Variants in WDR33 observed in about 807,000 individuals in gnomAD.
The protein encoded by WDR33 is pre-mRNA 3' end processing protein WDR33.
In WDR33, 47 loss-of-function variants were observed where a neutral mutation model predicts 164.9. That is an observed-to-expected ratio of 0.29 (90% CI 0.23 to 0.36). WDR33 has a LOEUF of 0.36. Among genes scored for constraint, WDR33 ranks in the 10% least tolerant of loss-of-function variants. The pLI is 1.00. For synonymous variants in WDR33, 505 were observed against 589.0 expected (o/e 0.86, Z 2.06); for missense variants, 1,137 against 1,754.1 (o/e 0.65, Z 6.28).
At position 127,720,233 on chromosome 2, in the gene WDR33, G is replaced by A. The variant is rs768257114; in HGVS notation, c.1792C>T (p.Pro598Ser). The A allele has an allele frequency of 1.9e-6, 3 of 1,594,396 alleles. No homozygotes were observed. Among genetic ancestry groups the A allele is most frequent in the Admixed American group, 3.5e-5 (2 of 57,346 alleles). ...FPGQGPMSQIPQGFQQPHPSQ... is the reference protein window; with the variant it reads ...FPGQGPMSQISQGFQQPHPSQ... ...GGATGGGGCTGTTGAAAACCTTGAG[G>A]AATCTGAGACATTGGACCTTGTCCT... The change falls in exon 16 of 22, where the codon CCT (proline) becomes TCT (serine). Residue 598 changes from proline to serine, a missense_variant. Transcript: ENST00000322313. The surrounding 1 kb of genome is among the most constrained non-coding windows in gnomAD (Gnocchi z 5.9).
At chr2:127,804,739 AAC>A (rs1689371625) in intron 1 of WDR33, among the ~76,000 whole-genome samples, 1 of 152,224 alleles carries the variant, frequency 6.6e-6, no homozygotes, top group Admixed American at 6.5e-5. Flanking sequence ...TATTACAGAA[AAC>A]AGTTAATGAA....
rs1471237369 is a variant in WDR33, at chr2:127,750,690, ATATATATATATATATATATATATG to A, written c.724+12348_724+12371del. ...AAAAAAAAAAAAAATATATATATAT[ATATATATATATATATATATATATG>A]TATGTATGCATACATATATATGTAT... On this transcript the variant is annotated intron_variant, in intron 7 of 21. Transcript: ENST00000322313. Among the ~76,000 whole-genome samples the A allele has an allele frequency of 9.7e-4, 54 of 55,724 alleles. 1 individual carries two copies. Among genetic ancestry groups the A allele is most frequent in the African/African-American group, 2.7e-3 (27 of 9,914 alleles). The allele number at this position is 55,724 out of a possible 152,430, so 36.6% of individuals were successfully genotyped here.
chr2:127,760,224 C>T (rs1687637959), intron 7 of WDR33, among the ~76,000 whole-genome samples: 1 of 152,172 alleles, frequency 6.6e-6, no homozygotes. Context: ...AAGAGTTTGA[C>T]TGTATGATCA....
At position 127,720,588 on chromosome 2, in the gene WDR33, AT is replaced by A. The variant is rs202205365; in HGVS notation, c.1672-236del. On this transcript the variant is annotated intron_variant, in intron 15 of 21. Coordinates refer to ENST00000322313, the MANE Select transcript of WDR33 (RefSeq NM_018383.5). This position sits in a 1 kb window ranked among gnomAD's most constrained non-coding sequence, Gnocchi z 5.9. ...CAGTAGTAAGGATTTTTTTTTCCTT[AT>A]TTTTTTTTTCTGTCCCCCAAGCTGG... Among the ~76,000 whole-genome samples the A allele has an allele frequency of 1.6e-4, 24 of 147,200 alleles. No homozygotes were observed. Among genetic ancestry groups the A allele is most frequent in the African/African-American group, 3.0e-4 (12 of 40,008 alleles).
chr2:127,802,735 T>C (rs1208406619), intron 1 of WDR33, among the ~76,000 whole-genome samples: 3 of 152,134 alleles, frequency 2.0e-5, no homozygotes, highest in African/African-American at 2.4e-5. Context: ...TCCTAGTATT[T>C]TGGGAGGCTG....
chr2:127,701,649 G>A lies in WDR33; in HGVS notation c.*4674C>T, dbSNP rs1241657650. The A allele has an allele frequency of 7.7e-7, 1 of 1,301,342 alleles. No individual in the cohort carries two copies. Among genetic ancestry groups the A allele is most frequent in the Non-Finnish European group, 9.7e-7 (1 of 1,029,252 alleles). The allele number at this position is 1,301,342 out of a possible 1,614,324, so 80.6% of individuals were successfully genotyped here. A position where few individuals can be genotyped will look rare whatever the true frequency, so the allele number is the denominator to read the frequency against. The stretch of plus-strand genomic sequence containing the variant: ...GGAGGAGCCCGGGGACCGGCCGGCG[G>A]AGGAGTGGCTGGGCCGCGCGGGCTT... On this transcript the variant is annotated 3_prime_UTR_variant, in exon 22 of 22. Transcript: ENST00000322313.
rs922784988 is a variant in WDR33 at position 127,723,548 on chromosome 2, G to A, written c.1197-201C>T. Among the ~76,000 whole-genome samples, 3 of 150,852 alleles carry A rather than the reference G, an allele frequency of 2.0e-5. No homozygotes were observed. Among genetic ancestry groups the A allele is most frequent in the Non-Finnish European group, 4.4e-5 (3 of 67,726 alleles). ...GGCTGTGGCAGGAGGATTAAGTCCA[G>A]GAGTCCAAGACCAGCCTGGGCAACA... On this transcript the variant is annotated intron_variant, in intron 11 of 21. Coordinates refer to ENST00000322313, the MANE Select transcript of WDR33 (RefSeq NM_018383.5). The surrounding 1 kb of genome is among the most constrained non-coding windows in gnomAD (Gnocchi z 5.9).
chr2:127,784,325 AAAAC>A (rs1483141846), intron 1 of WDR33, among the ~76,000 whole-genome samples: 1 of 152,216 alleles, frequency 6.6e-6, no homozygotes, highest in Non-Finnish European at 1.5e-5. Context: ...CTCTTTCCCA[AAAAC>A]AAGCACTAAT....
chr2:127,765,312 C>T, intron 4 of WDR33, 43 bp from the exon 5 acceptor site: 10 of 1,443,320 alleles, frequency 6.9e-6, no homozygotes, highest in Non-Finnish European at 9.6e-6. Context: ...TCCAACTTCA[C>T]TAATTTTGAA....
rs1294357860 is a variant in WDR33 at position 127,720,627 on chromosome 2, C to T, written c.1672-274G>A. Reference sequence around the variant, plus strand: ...TCCCCCAAGCTGGAATGCAGTGGTACGATCGTGGTTCACTACAGCCTCACC... The same window carrying T: ...TCCCCCAAGCTGGAATGCAGTGGTATGATCGTGGTTCACTACAGCCTCACC... On this transcript the variant is annotated intron_variant, in intron 15 of 21. Coordinates refer to ENST00000322313, the MANE Select transcript of WDR33 (RefSeq NM_018383.5). This position sits in a 1 kb window ranked among gnomAD's most constrained non-coding sequence, Gnocchi z 5.9. 6.6e-5 allele frequency among the ~76,000 whole-genome samples: 10 copies of T among 151,826 alleles called. No homozygotes were observed. Among genetic ancestry groups the T allele is most frequent in the South Asian group, 2.1e-4 (1 of 4,816 alleles).
Position 127,701,622 on chromosome 2 carries a change from G to A in WDR33, c.*4701C>T, listed in dbSNP as rs1041330909. ...GGAGCCGCTGCTCGCCGCGGAGAAGGCGGAGGAGCCCGGGGACCGGCCGGC... is the reference window on the plus strand; with the variant it reads ...GGAGCCGCTGCTCGCCGCGGAGAAGACGGAGGAGCCCGGGGACCGGCCGGC... On this transcript the variant is annotated 3_prime_UTR_variant, in exon 22 of 22. Coordinates refer to ENST00000322313, the MANE Select transcript of WDR33 (RefSeq NM_018383.5). 4 of 1,334,240 alleles carry A rather than the reference G, an allele frequency of 3.0e-6. No homozygotes were observed. The highest frequency in any genetic ancestry group is 3.8e-6 in the Non-Finnish European group (4 of 1,044,804). 82.7% of individuals were successfully genotyped at this position (1,334,240 alleles called of 1,614,324 possible).
At chr2:127,747,510 C>G (rs929146231) in intron 7 of WDR33, among the ~76,000 whole-genome samples, 1 of 151,898 alleles carries the variant, frequency 6.6e-6, no homozygotes, top group African/African-American at 2.4e-5. Context: ...CCCATGAGCA[C>G]TCAACGTTAG....
Position 127,770,751 on chromosome 2 carries a change from C to A in WDR33, c.204+27G>T. On this transcript the variant is annotated intron_variant, in intron 2 of 21. Transcript: ENST00000322313. This position sits in a 1 kb window ranked among gnomAD's most constrained non-coding sequence, Gnocchi z 4.9. ...AATAAATAAATAACCAAAGTTTGGTCATCTGAAGCACATAAATCAGGCTTA... is the reference window on the plus strand; with the variant it reads ...AATAAATAAATAACCAAAGTTTGGTAATCTGAAGCACATAAATCAGGCTTA... 6.9e-7 allele frequency: 1 copy of A among 1,439,868 alleles called. No homozygotes were observed. The highest frequency in any genetic ancestry group is 1.4e-5 in the South Asian group (1 of 69,614). The allele number at this position is 1,439,868 out of a possible 1,614,324, so 89.2% of individuals were successfully genotyped here. A position where few individuals can be genotyped will look rare whatever the true frequency, so the allele number is the denominator to read the frequency against.
chr2:127,809,250 A>G (rs1453639587), intron 1 of WDR33, among the ~76,000 whole-genome samples: 1 of 152,038 alleles, frequency 6.6e-6, no homozygotes, highest in Non-Finnish European at 1.5e-5. Flanking sequence ...GCTCTGAATA[A>G]ATACCTTAAG....
intron 4 of WDR33, among the ~76,000 whole-genome samples, chr2:127,765,640 C>T (rs955835688): frequency 3.3e-5 from 5 of 152,012 alleles, no homozygotes; most frequent in African/African-American, 1.2e-4. Context: ...ACCAGAACAA[C>T]TCAAAGACTG....
chr2:127,713,248 T>C lies in WDR33; in HGVS notation c.3308+335A>G, dbSNP rs990527577. On this transcript the variant is annotated intron_variant, in intron 18 of 21. Transcript: ENST00000322313. This position sits in a 1 kb window ranked among gnomAD's most constrained non-coding sequence, Gnocchi z 6.2. Reference sequence around the variant, plus strand: ...TTTATTTCCAATCTAGGTAGCTGCCTCATATTTCCTTATTCTAATCAAGAA... The same window carrying C: ...TTTATTTCCAATCTAGGTAGCTGCCCCATATTTCCTTATTCTAATCAAGAA... Among the ~76,000 whole-genome samples the C allele has an allele frequency of 1.3e-5, 2 of 152,214 alleles. No individual in the cohort carries two copies. The highest frequency in any genetic ancestry group is 4.8e-5 in the African/African-American group (2 of 41,460).
In WDR33 at chr2:127,713,670, G is replaced by A. The variant is rs144832204; in HGVS notation, c.3221C>T (p.Pro1074Leu). 797 of 1,614,226 alleles carry A rather than the reference G, an allele frequency of 4.9e-4. 6 individuals carry two copies. The African/African-American group carries it at 9.2e-3, about 19-fold the overall frequency. ...GGGCCTGCGGCCTTCCCATGCCCCCGGAGGGCCTCGGGCTGCACCCCGGCC... is the reference window on the plus strand; with the variant it reads ...GGGCCTGCGGCCTTCCCATGCCCCCAGAGGGCCTCGGGCTGCACCCCGGCC... ...GDGRGAARGP[P>L]GAWEGRRPGD... is the part of the protein sequence containing the mutation. Residue 1074 changes from proline (P) to leucine (L), a missense_variant, in exon 18 of 22, where the codon CCG becomes CTG. Pro to Leu is a moderately conservative substitution (Grantham distance 98, BLOSUM62 -3). Around this residue, in one of 9 missense-constraint regions of WDR33, gnomAD observed 867 missense variants for 1,073.0 expected, o/e 0.81. Transcript: ENST00000322313. The surrounding 1 kb of genome is among the most constrained non-coding windows in gnomAD (Gnocchi z 6.2).
intron 18 of WDR33, among the ~76,000 whole-genome samples, chr2:127,711,565 T>C (rs1321103427): frequency 6.6e-6 from 1 of 150,928 alleles, no homozygotes; most frequent in African/African-American, 2.4e-5. Context: ...TTGGATATCA[T>C]TAAGAGAGGG....
chr2:127,714,259 G>A lies in WDR33; in HGVS notation c.2870-238C>T, dbSNP rs1240943240. 6.6e-6 allele frequency among the ~76,000 whole-genome samples: 1 copy of A among 152,200 alleles called. No homozygotes were observed. The highest frequency in any genetic ancestry group is 1.5e-5 in the Non-Finnish European group (1 of 68,038). On this transcript the variant is annotated intron_variant, in intron 17 of 21. Transcript: ENST00000322313. This position sits in a 1 kb window ranked among gnomAD's most constrained non-coding sequence, Gnocchi z 4.3. ...CTAGGGCAAATTACTCATCTCAAAT[G>A]AGATCAGCAGCATCTGTCCATCTCT...
Sources: allele counts gnomAD v4.1 joint callset (sites outside exome capture counted in the v4.1 genomes callset), GRCh38; gene constraint gnomAD v4.1.1; regional missense constraint gnomAD v4.1.1; non-coding constraint Gnocchi (gnomAD v3.1); transcripts MANE v1.5; gene names NCBI Gene and HGNC (gene_info 2026-07-23, HGNC 2026-07-21).